CATSPER2: variants seen among roughly 807,000 people sequenced by gnomAD.
The protein encoded by CATSPER2 is cation channel sperm associated 2.
A neutral mutation model predicts 68.8 loss-of-function variants in CATSPER2; 56 were observed. The observed-to-expected ratio is 0.81, with a 90% CI of 0.66 to 1.02. CATSPER2 has a LOEUF of 1.02. Among genes scored for constraint, CATSPER2 ranks in the 50% least tolerant of loss-of-function variants. The probability of loss-of-function intolerance (pLI) is 0.00; values close to 1 mark genes in which losing one functional copy is unlikely to be tolerated. For missense variants in CATSPER2, 582 were observed against 642.0 expected (o/e 0.91, Z 1.01); for synonymous variants, 198 against 229.9 (o/e 0.86, Z 1.26).
At chr15:43,637,098 C>T (rs2085978482) in intron 7 of CATSPER2, among the ~76,000 whole-genome samples, 1 of 151,806 alleles carries the variant, frequency 6.6e-6, no homozygotes, top group Non-Finnish European at 1.5e-5. Context: ...GCTGGGATTA[C>T]AGGTGTGAGC....
chr15:43,639,120 A>C, intron 6 of CATSPER2, 92 bp from the exon 7 acceptor site: 3 of 1,487,450 alleles, frequency 2.0e-6, no homozygotes, highest in Non-Finnish European at 9.3e-7. Context: ...TCCCCCACCA[A>C]ACCCTCTCTT....
Position 43,638,995 on chromosome 15 carries a change from A to T in CATSPER2, c.751T>A (p.Phe251Ile), listed in dbSNP as rs1257556684. ...MTFLLMLLLI[F>I]FYIFAVTGVY... ...CCAGTCACAGCAAAAATGTAGAAGAAGATGAGCAGCAACATCAAGAGGAAG... is the reference window on the plus strand; with the variant it reads ...CCAGTCACAGCAAAAATGTAGAAGATGATGAGCAGCAACATCAAGAGGAAG... Residue 251 changes from phenylalanine to isoleucine, a missense_variant, in exon 7 of 13, where the codon TTC becomes ATC. Phe to Ile is a conservative substitution (Grantham distance 21, BLOSUM62 0). Transcript: ENST00000396879. The T allele has an allele frequency of 3.7e-6, 6 of 1,613,020 alleles. No homozygotes were observed. Among genetic ancestry groups the T allele is most frequent in the Non-Finnish European group, 3.4e-6 (4 of 1,179,400 alleles).
chr15:43,639,266 A>G (rs1234801319), intron 6 of CATSPER2, among the ~76,000 whole-genome samples: 1 of 148,716 alleles, frequency 6.7e-6, no homozygotes, highest in Non-Finnish European at 1.5e-5. Flanking sequence ...TTTTTTTTAG[A>G]CGGAGTTTCA....
At position 43,637,949 on chromosome 15, in the gene CATSPER2, T is replaced by C. The variant is rs576101934; in HGVS notation, c.842+955A>G. ...AGCACTGCTATTATTCTTTTTTTTTTTTTTCTTTTCTTTTTGAGATGGAGA... is the reference window on the plus strand; with the variant it reads ...AGCACTGCTATTATTCTTTTTTTTTCTTTTCTTTTCTTTTTGAGATGGAGA... On this transcript the variant is annotated intron_variant, in intron 7 of 12. Coordinates refer to ENST00000396879, the MANE Select transcript of CATSPER2 (RefSeq NM_172095.4). Among the ~76,000 whole-genome samples, 34 of 151,916 alleles carry C rather than the reference T, an allele frequency of 2.2e-4. No individual in the cohort carries two copies. The South Asian group carries it at 2.9e-3, about 13-fold the overall frequency.
chr15:43,647,893 T>C (rs1397291193), intron 2 of CATSPER2, 24 bp downstream of exon 2: 2 of 1,611,930 alleles, frequency 1.2e-6, no homozygotes, highest in Middle Eastern at 1.7e-4. Context: ...TAAATTTAAA[T>C]TAGTGAAGAA....
intron 6 of CATSPER2, among the ~76,000 whole-genome samples, chr15:43,639,267 C>T (rs138851299): frequency 0.01 from 1,564 of 150,044 alleles, 32 homozygotes; most frequent in African/African-American, 0.036. Context: ...TTTTTTTAGA[C>T]GGAGTTTCAC....
chr15:43,642,123 C>G (rs899788543), intron 4 of CATSPER2, among the ~76,000 whole-genome samples: 5 of 149,636 alleles, frequency 3.3e-5, no homozygotes, highest in African/African-American at 1.0e-4. Context: ...TTCTTTGAGA[C>G]ACAGTCTCGC....
chr15:43,630,520 A>AT lies in CATSPER2; in HGVS notation c.*180_*181insA. On this transcript the variant is annotated 3_prime_UTR_variant, in exon 13 of 13. Coordinates refer to ENST00000396879, the MANE Select transcript of CATSPER2 (RefSeq NM_172095.4). ...CAAGCATCTGCCACCACACCCAGCT[A>AT]ATTTTTTTGTATTTTTAGTAGAGAC... 1 of 1,359,974 alleles carries AT rather than the reference A, an allele frequency of 7.4e-7. No individual in the cohort carries two copies. The highest frequency in any genetic ancestry group is 1.3e-5 in the South Asian group (1 of 74,274). 84.2% of individuals were successfully genotyped at this position (1,359,974 alleles called of 1,614,324 possible).
At position 43,638,979 on chromosome 15, in the gene CATSPER2, G is replaced by A. The variant is rs755808045; in HGVS notation, c.767C>T (p.Ala256Val). ...MLLLIFFYIF[A>V]VTGVYVFSEY... ...TGAGAAGACGTAGACACCAGTCACAGCAAAAATGTAGAAGAAGATGAGCAG... is the reference window on the plus strand; with the variant it reads ...TGAGAAGACGTAGACACCAGTCACAACAAAAATGTAGAAGAAGATGAGCAG... The change falls in exon 7 of 13, where the codon GCT becomes GTT. Residue 256 changes from alanine to valine, a missense_variant. This residue lies in a region of CATSPER2 where 91 missense variants were observed against 72.8 expected (regional missense o/e 1.25). Transcript: ENST00000396879. The A allele has an allele frequency of 1.1e-5, 18 of 1,612,982 alleles. No individual in the cohort carries two copies. The highest frequency in any genetic ancestry group is 5.5e-5 in the South Asian group (5 of 91,032).
In CATSPER2 at chr15:43,632,322, C is replaced by T. The variant is rs199872468; in HGVS notation, c.1438G>A (p.Gly480Arg). ...TCATCCTGATCCATTTCCATTAGCC[C>T]GGGCAGATTTTCGTGCACAAGAGTC... ...WETLVHENLP[G>R]LMEMDQDDRV... Residue 480 changes from glycine to arginine, a missense_variant, in exon 12 of 13, where the codon GGG (glycine) becomes AGG (arginine). Gly to Arg is a moderately radical substitution (Grantham distance 125, BLOSUM62 -2). Coordinates refer to ENST00000396879, the MANE Select transcript of CATSPER2 (RefSeq NM_172095.4). 1.2e-4 allele frequency: 198 copies of T among 1,613,630 alleles called. 2 individuals carry two copies. Among genetic ancestry groups the T allele is most frequent in the South Asian group, 4.1e-4 (37 of 91,034 alleles).
chr15:43,632,048 C>A, intron 12 of CATSPER2, 151 bp downstream of exon 12: 2 of 855,328 alleles, frequency 2.3e-6, no homozygotes, highest in South Asian at 1.5e-5. Context: ...TGTGACATAC[C>A]AAACCAAGAA....
chr15:43,646,881 ATTT>A (rs1319718811), intron 4 of CATSPER2, among the ~76,000 whole-genome samples, 166 bp downstream of exon 4: 2 of 151,532 alleles, frequency 1.3e-5, no homozygotes, highest in African/African-American at 4.8e-5. Flanking sequence ...AGCCCGGCTA[ATTT>A]TTTGTATTTT....
chr15:43,648,134 T>C (rs2086206982), intron 1 of CATSPER2, 71 bp from the exon 2 acceptor site: 1 of 1,534,058 alleles, frequency 6.5e-7, no homozygotes, highest in Non-Finnish European at 9.0e-7. Flanking sequence ...AGGTTTTCTG[T>C]CCCCTCCTCC....
chr15:43,647,517 C>A, intron 2 of CATSPER2, 50 bp from the exon 3 acceptor site: 2 of 1,569,226 alleles, frequency 1.3e-6, no homozygotes, highest in South Asian at 1.1e-5. Flanking sequence ...ACAAAATAGA[C>A]CAGGTAGGGT....
intron 5 of CATSPER2, 97 bp from the exon 6 acceptor site, chr15:43,639,895 G>A (rs934503017): frequency 3.9e-5 from 63 of 1,603,430 alleles, no homozygotes; most frequent in Non-Finnish European, 4.5e-5. Context: ...TTCCCTGGGC[G>A]TTATCCCTTG....
intron 7 of CATSPER2, among the ~76,000 whole-genome samples, chr15:43,637,266 T>C (rs1198176116): frequency 6.6e-6 from 1 of 151,978 alleles, no homozygotes. Flanking sequence ...TTTGCTGGTA[T>C]GAAATGATAC....
rs527763226 is a variant in CATSPER2, at chr15:43,633,128, C to T, written c.1179-194G>A. On this transcript the variant is annotated intron_variant, in intron 10 of 12. Transcript: ENST00000396879. ...TCATCCTTAACTCTTCTCTCCCCTC[C>T]CATATCCAGTCCATCAAGAAATCCT... 9.2e-5 allele frequency: 81 copies of T among 878,090 alleles called. 2 individuals are homozygous for T. The East Asian group carries it at 2.1e-3, about 23-fold the overall frequency. The allele number at this position is 878,090 out of a possible 1,614,324, so 54.4% of individuals were successfully genotyped here.
rs946527811 is a variant in CATSPER2 at position 43,635,839 on chromosome 15, G to A, written c.1022-13C>T. On this transcript the variant is annotated splice_polypyrimidine_tract_variant and intron_variant, in intron 8 of 12. Coordinates refer to ENST00000396879, the MANE Select transcript of CATSPER2 (RefSeq NM_172095.4). ...TGAAAGTTAGTAACTGCCCCAAAGG[G>A]CCATTAGGAGCTGGGAGATGGTAAT... The A allele has an allele frequency of 4.4e-6, 7 of 1,608,400 alleles. No homozygotes were observed. The highest frequency in any genetic ancestry group is 6.0e-6 in the Non-Finnish European group (7 of 1,175,772).
chr15:43,642,158 G>A (rs1384063631), intron 4 of CATSPER2, among the ~76,000 whole-genome samples: 1 of 151,108 alleles, frequency 6.6e-6, no homozygotes, highest in Non-Finnish European at 1.5e-5. Flanking sequence ...GGAGTGCAGT[G>A]GTGCAATCTC....
Sources: gnomAD v4.1 joint callset for allele counts (sites outside exome capture counted in the v4.1 genomes callset) on GRCh38, gnomAD v4.1.1 for gene constraint, gnomAD v4.1.1 regional missense constraint, MANE v1.5 for transcripts, NCBI Gene and HGNC (gene_info 2026-07-23, HGNC 2026-07-21) for gene names.